The following MYO7A variants were observed in gnomAD, a reference collection of about 807,000 sequenced individuals.
The protein encoded by MYO7A is unconventional myosin-VIIa.
A neutral mutation model predicts 263.8 loss-of-function variants in MYO7A; 210 were observed. The observed-to-expected ratio is 0.80, with a 90% CI of 0.71 to 0.89. The LOEUF is 0.89. Ranked by LOEUF, MYO7A falls within the 40% of genes least tolerant of loss-of-function variation. The pLI is 0.00. For missense variants in MYO7A, 2,820 were observed against 2,968.3 expected (o/e 0.95, Z 1.16); for synonymous variants, 1,239 against 1,197.3 (o/e 1.03, Z -0.72).
chr11:77,137,536 G>C (rs940330642), intron 2 of MYO7A, among the ~76,000 whole-genome samples: 1 of 152,208 alleles, frequency 6.6e-6, no homozygotes, highest in African/African-American at 2.4e-5. Flanking sequence ...GAATGGGAGA[G>C]GAGTCACAGG....
chr11:77,213,141 G>C (rs889287019), intron 47 of MYO7A, 106 bp downstream of exon 47: 25 of 871,090 alleles, frequency 2.9e-5, no homozygotes, highest in Non-Finnish European at 4.3e-5. Flanking sequence ...TCTATCTCTA[G>C]ACTCATCCAC....
At chr11:77,175,255 A>C in intron 17 of MYO7A, 117 bp from the exon 18 acceptor site, 1 of 935,864 alleles carries the variant, frequency 1.1e-6, no homozygotes, top group East Asian at 2.4e-5. Context: ...CTGAGGTCAC[A>C]CTTCGAGTCA....
At chr11:77,142,437 T>A in intron 2 of MYO7A, 3 of 511,348 alleles carry the variant, frequency 5.9e-6, no homozygotes, top group Non-Finnish European at 1.1e-5. Flanking sequence ...AGCTGGGCTT[T>A]GAGAGGCCTT....
At chr11:77,178,987 C>T in intron 19 of MYO7A, 58 bp from the exon 20 acceptor site, 1 of 1,452,414 alleles carries the variant, frequency 6.9e-7, no homozygotes, top group South Asian at 1.2e-5. Context: ...ATCCCAAACC[C>T]ACCTGTACCC....
At chr11:77,135,796 A>G (rs1950887760) in intron 2 of MYO7A, among the ~76,000 whole-genome samples, 1 of 152,154 alleles carries the variant, frequency 6.6e-6, no homozygotes, top group African/African-American at 2.4e-5. Flanking sequence ...GTGCAGTGGT[A>G]TCTCATTGTG....
intron 41 of MYO7A, 134 bp from the exon 42 acceptor site, chr11:77,207,155 G>A: frequency 1.6e-6 from 1 of 612,958 alleles, no homozygotes; most frequent in Non-Finnish European, 2.9e-6. Flanking sequence ...TAAATGCCAT[G>A]CCCAGCTCTG....
intron 31 of MYO7A, chr11:77,194,060 G>C (rs1294900091): frequency 1.7e-6 from 1 of 601,268 alleles, no homozygotes. Flanking sequence ...TGCTCGATGG[G>C]CTGGCTTGTT....
chr11:77,134,415 T>C (rs1339813481), intron 2 of MYO7A, among the ~76,000 whole-genome samples: 1 of 152,222 alleles, frequency 6.6e-6, no homozygotes. Flanking sequence ...CATTTGTCTT[T>C]TAAATCACAC....
chr11:77,142,668 C>G, intron 2 of MYO7A, 41 bp from the exon 3 acceptor site: 1 of 1,543,000 alleles, frequency 6.5e-7, no homozygotes, highest in Non-Finnish European at 8.8e-7. Flanking sequence ...CTCCAATCCC[C>G]CTCCCTGCTC....
intron 35 of MYO7A, among the ~76,000 whole-genome samples, chr11:77,200,079 G>C (rs146399225): frequency 3.3e-5 from 5 of 152,140 alleles, no homozygotes; most frequent in African/African-American, 1.2e-4. Context: ...GACCAGCCTG[G>C]GCAACATAGT....
At chr11:77,169,550 T>C (rs985130984) in intron 15 of MYO7A, among the ~76,000 whole-genome samples, 1 of 152,146 alleles carries the variant, frequency 6.6e-6, no homozygotes, top group Non-Finnish European at 1.5e-5. Flanking sequence ...ACTTCCACCT[T>C]TACCCCATCC....
At position 77,214,126 on chromosome 11, in the gene MYO7A, T is replaced by C. The variant is rs1035158097; in HGVS notation, c.6558+147T>C. 17 of 1,140,334 alleles carry C rather than the reference T, an allele frequency of 1.5e-5. No individual in the cohort carries two copies. In the Admixed American group the frequency reaches 3.6e-4, roughly 24 times the overall value. 70.6% of individuals were successfully genotyped at this position (1,140,334 alleles called of 1,614,324 possible). A position where few individuals can be genotyped will look rare whatever the true frequency, so the allele number is the denominator to read the frequency against. On this transcript the variant is annotated intron_variant, in intron 48 of 48. Coordinates refer to ENST00000409709, the MANE Select transcript of MYO7A (RefSeq NM_000260.4). The stretch of plus-strand genomic sequence containing the variant: ...ATGCTGGGGCCAAGGTCAGGTCAGT[T>C]TGAGGCTCAGCTTAGGTCTGGGGAA...
At chr11:77,188,635 T>C (rs1487706935) in intron 27 of MYO7A, among the ~76,000 whole-genome samples, 1 of 151,484 alleles carries the variant, frequency 6.6e-6, no homozygotes, top group Non-Finnish European at 1.5e-5. Flanking sequence ...CCAGCAATAA[T>C]TGCAGCTGGC....
Position 77,205,478 on chromosome 11 carries a change from G to C in MYO7A, c.5497G>C (p.Gly1833Arg), listed in dbSNP as rs1367496020. The stretch of plus-strand genomic sequence containing the variant: ...CTCCTGCAGGTACAGCGAGGAGCGG[G>C]GTTGGGAGCTGCTCTGGCTGTGCAC... ...DNHIRYSEER[G>R]WELLWLCTGL... The change falls in exon 40 of 49, where the codon GGT (glycine) becomes CGT (arginine). Residue 1833 changes from glycine (G) to arginine (R), a missense_variant. Coordinates refer to ENST00000409709, the MANE Select transcript of MYO7A (RefSeq NM_000260.4). The C allele has an allele frequency of 6.3e-7, 1 of 1,579,694 alleles. No homozygotes were observed. Among genetic ancestry groups the C allele is most frequent in the Non-Finnish European group, 8.6e-7 (1 of 1,163,570 alleles).
At chr11:77,165,939 A>C in intron 14 of MYO7A, 117 bp from the exon 15 acceptor site, 1 of 713,194 alleles carries the variant, frequency 1.4e-6, no homozygotes, top group East Asian at 2.8e-5. Flanking sequence ...GGCCCCCGTC[A>C]TGAAATGGAT....
rs782478153 is a variant in MYO7A at position 77,166,100 on chromosome 11, C to T, written c.1735C>T (p.Gln579Ter). The stretch of plus-strand genomic sequence containing the variant: ...AGACACCCTGCATGGGGACATTATC[C>T]AGCTGGTCCACTCCTCCAGGAACAA... ...NRDTLHGDII[Q>*]LVHSSRNKFI... Residue 579 changes from glutamine (Q) to a stop codon, truncating the protein, a stop_gained, in exon 15 of 49, where the codon CAG (glutamine) becomes TAG (stop). Coordinates refer to ENST00000409709, the MANE Select transcript of MYO7A (RefSeq NM_000260.4). LOFTEE classifies it high-confidence loss of function. 1.2e-6 allele frequency: 2 copies of T among 1,613,896 alleles called. No individual in the cohort carries two copies. Among genetic ancestry groups the T allele is most frequent in the Non-Finnish European group, 1.7e-6 (2 of 1,179,868 alleles).
intron 40 of MYO7A, 93 bp downstream of exon 40, chr11:77,205,710 A>G (rs1243406606): frequency 4.6e-6 from 7 of 1,533,044 alleles, no homozygotes; most frequent in Non-Finnish European, 6.2e-6. Flanking sequence ...TGAGGACCAC[A>G]TAGCAGTTGG....
Position 77,211,143 on chromosome 11 carries a change from C to T in MYO7A, c.6052-9C>T, listed in dbSNP as rs753724580. 1.3e-6 allele frequency: 2 copies of T among 1,562,876 alleles called. No individual in the cohort carries two copies. Among genetic ancestry groups the T allele is most frequent in the South Asian group, 2.4e-5 (2 of 84,518 alleles). On this transcript the variant is annotated splice_polypyrimidine_tract_variant and intron_variant, in intron 44 of 48. Transcript: ENST00000409709. ...CCTGCACGCCTGTGACCTGCTCTGT[C>T]TCTGACAGGAGTTGCCCAAGTATCT... is the stretch of plus-strand genomic sequence containing the variant.
intron 18 of MYO7A, 38 bp downstream of exon 18, chr11:77,175,502 G>A: frequency 1.9e-6 from 3 of 1,590,448 alleles, no homozygotes; most frequent in Non-Finnish European, 1.7e-6. Context: ...CCCTGGGGGG[G>A]CTGTAAATTC....
Sources: allele counts gnomAD v4.1 joint callset (sites outside exome capture counted in the v4.1 genomes callset), GRCh38; gene constraint gnomAD v4.1.1; transcripts MANE v1.5; gene names NCBI Gene and HGNC (gene_info 2026-07-23, HGNC 2026-07-21).